Variants in PPP1CB observed in about 807,000 individuals in gnomAD.
PPP1CB encodes the protein serine/threonine-protein phosphatase PP1-beta catalytic subunit.
PPP1CB carries 2 observed loss-of-function variants against 43.7 expected under a neutral mutation model. The observed-to-expected ratio is 0.05, with a 90% CI of 0.02 to 0.14. PPP1CB has a LOEUF of 0.14. Ranked by LOEUF, PPP1CB falls within the 10% of genes least tolerant of loss-of-function variation. The pLI is 1.00. For synonymous variants in PPP1CB, 136 were observed against 135.6 expected (o/e 1.00, Z -0.02); for missense variants, 84 against 398.0 (o/e 0.21, Z 6.71).
At chr2:28,760,396 GTGTTTAGATA>G (rs1364216253) in intron 1 of PPP1CB, among the ~76,000 whole-genome samples, 3 of 152,156 alleles carry the variant, frequency 2.0e-5, no homozygotes, top group South Asian at 2.1e-4. Context: ...TGCCTTTTCT[GTGTTTAGATA>G]TGTTTAGATA....
At chr2:28,784,892 C>T (rs1250231196) in intron 5 of PPP1CB, among the ~76,000 whole-genome samples, 1 of 136,944 alleles carries the variant, frequency 7.3e-6, no homozygotes, top group African/African-American at 2.8e-5. Flanking sequence ...TGCACTCCAG[C>T]CTGGGTGACA....
chr2:28,764,749 G>A (rs1045207033), intron 1 of PPP1CB, among the ~76,000 whole-genome samples: 7 of 151,712 alleles, frequency 4.6e-5, no homozygotes, highest in African/African-American at 1.2e-4. Flanking sequence ...GCGAAACCCC[G>A]TCTCTACTAA....
intron 1 of PPP1CB, among the ~76,000 whole-genome samples, chr2:28,767,337 TG>T (rs1666800878): frequency 6.6e-6 from 1 of 152,202 alleles, no homozygotes; most frequent in South Asian, 2.1e-4. Flanking sequence ...GTGCTCCATC[TG>T]GTAACATCAG....
At chr2:28,783,700 T>G (rs1227034016) in intron 4 of PPP1CB, among the ~76,000 whole-genome samples, 1 of 151,146 alleles carries the variant, frequency 6.6e-6, no homozygotes, top group Non-Finnish European at 1.5e-5. Context: ...GAGGTTGCAG[T>G]GAGCTGAGAT....
chr2:28,790,747 C>A (rs1667368233), intron 6 of PPP1CB, among the ~76,000 whole-genome samples: 1 of 152,040 alleles, frequency 6.6e-6, no homozygotes, highest in African/African-American at 2.4e-5. Context: ...AATGACATGC[C>A]TGGGATTTGC....
rs76888474 is a variant in PPP1CB at position 28,766,602 on chromosome 2, A to G, written c.53-10249A>G. On this transcript the variant is annotated intron_variant, in intron 1 of 7. Transcript: ENST00000395366. ...TCCACATAGATTATTTATAGAGGGT[A>G]ACTTTTCAGTCACTTCGAATGAGGA... 3.1e-3 allele frequency among the ~76,000 whole-genome samples: 477 copies of G among 152,324 alleles called. 1 individual carries two copies. The highest frequency in any genetic ancestry group is 0.011 in the African/African-American group (454 of 41,568).
intron 1 of PPP1CB, among the ~76,000 whole-genome samples, 195 bp downstream of exon 1, chr2:28,752,371 T>C (rs568828185): frequency 6.6e-6 from 1 of 151,788 alleles, no homozygotes; most frequent in South Asian, 2.1e-4. Flanking sequence ...GGGAGCGCGG[T>C]CAGGGGAGAT....
chr2:28,787,495 A>G lies in PPP1CB; in HGVS notation c.593-1163A>G, dbSNP rs531342928. On this transcript the variant is annotated intron_variant, in intron 5 of 7. Coordinates refer to ENST00000395366, the MANE Select transcript of PPP1CB (RefSeq NM_002709.3). ...TATGTATCTTCTCTTAGCCACTGCAATTCTTAGAAAATCACCATCACCATC... is the reference window on the plus strand; with the variant it reads ...TATGTATCTTCTCTTAGCCACTGCAGTTCTTAGAAAATCACCATCACCATC... Among the ~76,000 whole-genome samples the G allele has an allele frequency of 7.9e-4, 120 of 152,260 alleles. No individual in the cohort carries two copies. The South Asian group carries it at 0.012, about 16-fold the overall frequency.
intron 6 of PPP1CB, among the ~76,000 whole-genome samples, chr2:28,789,459 T>C (rs1667341589): frequency 6.6e-6 from 1 of 151,874 alleles, no homozygotes; most frequent in African/African-American, 2.4e-5. Flanking sequence ...CAGTGAGCCA[T>C]GTTTATGTCA....
intron 4 of PPP1CB, 156 bp downstream of exon 4, chr2:28,781,998 T>C: frequency 1.5e-6 from 1 of 660,348 alleles, no homozygotes; most frequent in Non-Finnish European, 2.7e-6. Flanking sequence ...CTTTTAAAAA[T>C]TAGAAATTTA....
At chr2:28,791,372 C>T (rs966417200) in intron 6 of PPP1CB, among the ~76,000 whole-genome samples, 2 of 151,892 alleles carry the variant, frequency 1.3e-5, no homozygotes, top group Non-Finnish European at 2.9e-5. Flanking sequence ...ACACTGTTTC[C>T]CGGGCTGGTG....
intron 4 of PPP1CB, among the ~76,000 whole-genome samples, chr2:28,783,120 C>G (rs541880670): frequency 1.9e-4 from 29 of 152,202 alleles, no homozygotes; most frequent in African/African-American, 6.7e-4. Flanking sequence ...CCTGTTAATC[C>G]TTCTGATCAA....
intron 2 of PPP1CB, chr2:28,778,488 G>A: frequency 2.0e-6 from 1 of 488,098 alleles, no homozygotes; most frequent in Non-Finnish European, 4.2e-6. Flanking sequence ...TGGACTAAGA[G>A]CCTCAGTTCC....
In PPP1CB at chr2:28,788,749, T is replaced by C. The variant is rs746518742; in HGVS notation, c.684T>C (p.Ala228=). The C allele has an allele frequency of 1.7e-5, 27 of 1,613,840 alleles. No homozygotes were observed. The highest frequency in any genetic ancestry group is 2.3e-5 in the Non-Finnish European group (27 of 1,179,926). The part of the protein sequence containing the change: ...NDRGVSFTFG[A]DVVSKFLNRH... Reference sequence around the variant, plus strand: ...GTGGTGTTTCCTTTACTTTTGGAGCTGATGTAGTCAGTAAATTTCTGAATC... The same window carrying C: ...GTGGTGTTTCCTTTACTTTTGGAGCCGATGTAGTCAGTAAATTTCTGAATC... The change falls in exon 6 of 8, where the codon GCT becomes GCC. Residue 228 remains alanine (A), a synonymous_variant. Coordinates refer to ENST00000395366, the MANE Select transcript of PPP1CB (RefSeq NM_002709.3).
intron 6 of PPP1CB, among the ~76,000 whole-genome samples, chr2:28,790,940 T>C (rs1170830356): frequency 6.6e-6 from 1 of 152,206 alleles, no homozygotes; most frequent in Non-Finnish European, 1.5e-5. Flanking sequence ...GGGTTTTTGG[T>C]TGTCTTTTAT....
intron 1 of PPP1CB, among the ~76,000 whole-genome samples, chr2:28,768,013 G>A (rs909015460): frequency 1.3e-5 from 2 of 152,268 alleles, no homozygotes; most frequent in East Asian, 3.9e-4. Flanking sequence ...ATTGGGATTA[G>A]GAGCCATGGT....
At position 28,788,793 on chromosome 2, in the gene PPP1CB, T is replaced by C. The variant is rs1238818326; in HGVS notation, c.728T>C (p.Ile243Thr). ...KFLNRHDLDL[I>T]CRAHQVVEDG... ...CTGAATCGTCATGATTTAGATTTGATTTGTCGAGCTCATCAGGTATGAAAT... is the reference window on the plus strand; with the variant it reads ...CTGAATCGTCATGATTTAGATTTGACTTGTCGAGCTCATCAGGTATGAAAT... The change falls in exon 6 of 8, where the codon ATT becomes ACT. Residue 243 changes from isoleucine to threonine, a missense_variant. Physicochemically the swap from Ile to Thr is moderately conservative, Grantham distance 89. Coordinates refer to ENST00000395366, the MANE Select transcript of PPP1CB (RefSeq NM_002709.3). 1 of 1,610,124 alleles carries C rather than the reference T, an allele frequency of 6.2e-7. No individual in the cohort carries two copies. The highest frequency in any genetic ancestry group is 8.5e-7 in the Non-Finnish European group (1 of 1,179,060).
intron 3 of PPP1CB, 124 bp downstream of exon 3, chr2:28,779,163 A>T: frequency 1.5e-6 from 1 of 655,430 alleles, no homozygotes; most frequent in South Asian, 2.4e-5. Context: ...ATAGGCCAGG[A>T]AGAGGAACCT....
Position 28,778,951 on chromosome 2 carries a change from T to C in PPP1CB, c.327T>C (p.Tyr109=). The C allele has an allele frequency of 6.2e-7, 1 of 1,612,260 alleles. No individual in the cohort carries two copies. Among genetic ancestry groups the C allele is most frequent in the Non-Finnish European group, 8.5e-7 (1 of 1,178,300 alleles). ...AAACCATTTGTTTGCTATTGGCTTATAAAATCAAATATCCAGAGAACTTCT... is the reference window on the plus strand; with the variant it reads ...AAACCATTTGTTTGCTATTGGCTTACAAAATCAAATATCCAGAGAACTTCT... ...SLETICLLLA[Y]KIKYPENFFL... Residue 109 remains tyrosine, a synonymous_variant, in exon 3 of 8, where the codon TAT becomes TAC. Transcript: ENST00000395366.
Sources: gnomAD v4.1 joint callset for allele counts (sites outside exome capture counted in the v4.1 genomes callset) on GRCh38, gnomAD v4.1.1 for gene constraint, MANE v1.5 for transcripts, NCBI Gene and HGNC (gene_info 2026-07-23, HGNC 2026-07-21) for gene names.